The following KLHL6 variants were observed in gnomAD, a reference collection of about 807,000 sequenced individuals.
The protein encoded by KLHL6 is kelch-like protein 6.
Under a neutral mutation model 58.6 loss-of-function variants are expected in KLHL6, and 41 were observed. The ratio of observed to expected loss-of-function variants is 0.70; its 90% CI spans 0.55 to 0.91. The LOEUF is 0.91. Among genes scored for constraint, KLHL6 ranks in the 40% least tolerant of loss-of-function variants. The probability of loss-of-function intolerance (pLI) is 0.00; values close to 1 mark genes in which losing one functional copy is unlikely to be tolerated. For missense variants in KLHL6, 714 were observed against 805.6 expected, an observed-to-expected ratio of 0.89 and a Z score of 1.38; for synonymous variants, 338 against 322.7, an observed-to-expected ratio of 1.05 and a Z score of -0.51.
At chr3:183,510,405 A>G (rs1290057820) in intron 2 of KLHL6, among the ~76,000 whole-genome samples, 1 of 152,022 alleles carries the variant, frequency 6.6e-6, no homozygotes, top group South Asian at 2.1e-4. Flanking sequence ...GAGTGGGGCT[A>G]TCGAGCCTGA....
At chr3:183,502,205 G>A (rs1239096852) in intron 3 of KLHL6, among the ~76,000 whole-genome samples, 2 of 152,084 alleles carry the variant, frequency 1.3e-5, no homozygotes, top group Non-Finnish European at 2.9e-5. Context: ...GGGAGGCTGA[G>A]GCAGGAGAAT....
At chr3:183,512,710 C>T (rs1718222396) in intron 2 of KLHL6, among the ~76,000 whole-genome samples, 1 of 152,120 alleles carries the variant, frequency 6.6e-6, no homozygotes, top group Non-Finnish European at 1.5e-5. Context: ...AGGCTGGTCT[C>T]GAACTCCTGA....
chr3:183,528,602 C>T (rs1234691492), intron 1 of KLHL6, among the ~76,000 whole-genome samples: 2 of 152,188 alleles, frequency 1.3e-5, no homozygotes, highest in Admixed American at 6.5e-5. Flanking sequence ...GGCTGGACTT[C>T]CAGATATTTA....
At chr3:183,533,673 C>G (rs192917438) in intron 1 of KLHL6, among the ~76,000 whole-genome samples, 2 of 152,030 alleles carry the variant, frequency 1.3e-5, no homozygotes, top group African/African-American at 4.8e-5. Context: ...AGAGAGAGAA[C>G]GAGAGAGAGA....
rs1298497486 is a variant in KLHL6, at chr3:183,491,877, A to G, written c.*50T>C. 1.4e-6 allele frequency: 2 copies of G among 1,418,442 alleles called. No homozygotes were observed. Among genetic ancestry groups the G allele is most frequent in the Non-Finnish European group, 1.9e-6 (2 of 1,074,178 alleles). 87.9% of individuals were successfully genotyped at this position (1,418,442 alleles called of 1,614,324 possible). ...TGGGACTGGAGGAGGGTGAGAGGTG[A>G]GGCGGGTACGCTGAGGGTCGGGGGG... On this transcript the variant is annotated 3_prime_UTR_variant, in exon 7 of 7. Transcript: ENST00000341319.
chr3:183,538,861 G>A (rs1712449929), intron 1 of KLHL6, among the ~76,000 whole-genome samples: 1 of 152,152 alleles, frequency 6.6e-6, no homozygotes, highest in African/African-American at 2.4e-5. Context: ...TATGGATCCT[G>A]TCTCAATACT....
chr3:183,497,690 A>G (rs1474535758), intron 4 of KLHL6, among the ~76,000 whole-genome samples: 1 of 152,174 alleles, frequency 6.6e-6, no homozygotes, highest in African/African-American at 2.4e-5. Flanking sequence ...GGCCATGTGT[A>G]GGAAGAGGCA....
intron 1 of KLHL6, among the ~76,000 whole-genome samples, chr3:183,533,889 A>G (rs556482079): frequency 1.3e-5 from 2 of 151,266 alleles, no homozygotes; most frequent in Non-Finnish European, 2.9e-5. Context: ...TCACAAGAAT[A>G]TGGTAATAAG....
chr3:183,549,126 G>T (rs4630964), intron 1 of KLHL6, among the ~76,000 whole-genome samples: 2,926 of 148,646 alleles, frequency 0.02, 212 homozygotes, highest in African/African-American at 0.073. Context: ...ACAAACCCGC[G>T]CATTCTGCAC....
intron 2 of KLHL6, among the ~76,000 whole-genome samples, chr3:183,511,232 A>G (rs1239595802): frequency 6.6e-6 from 1 of 152,254 alleles, no homozygotes; most frequent in Non-Finnish European, 1.5e-5. Flanking sequence ...GGGAGGTACT[A>G]TGCCTGGACG....
At chr3:183,546,199 T>C (rs1250878477) in intron 1 of KLHL6, among the ~76,000 whole-genome samples, 1 of 152,212 alleles carries the variant, frequency 6.6e-6, no homozygotes, top group African/African-American at 2.4e-5. Context: ...ATTACCTTCT[T>C]GCATATTTGG....
At chr3:183,544,750 AC>A (rs1375746592) in intron 1 of KLHL6, 4 of 12,780 alleles carry the variant, frequency 3.1e-4, no homozygotes, top group Non-Finnish European at 6.5e-4. Context: ...TGTCTCTCAA[AC>A]ACACACACAC....
At chr3:183,535,249 G>T (rs1006605524) in intron 1 of KLHL6, among the ~76,000 whole-genome samples, 3 of 152,110 alleles carry the variant, frequency 2.0e-5, no homozygotes, top group Admixed American at 6.6e-5. Flanking sequence ...AGCCTTATGC[G>T]TATTTTATAC....
intron 1 of KLHL6, among the ~76,000 whole-genome samples, chr3:183,546,384 G>T (rs1007772962): frequency 6.6e-6 from 1 of 152,210 alleles, no homozygotes; most frequent in Non-Finnish European, 1.5e-5. Context: ...AGCCTGCTTG[G>T]GTGGAGGCAG....
intron 3 of KLHL6, among the ~76,000 whole-genome samples, chr3:183,501,069 G>A (rs1018147840): frequency 6.6e-6 from 1 of 152,200 alleles, no homozygotes; most frequent in Non-Finnish European, 1.5e-5. Flanking sequence ...GCTGGACCAC[G>A]GCCGTAAAGT....
In KLHL6 at chr3:183,492,672, T is replaced by C. The variant is rs1338748057; in HGVS notation, c.1386A>G (p.Ala462=). The C allele has an allele frequency of 6.2e-7, 1 of 1,613,748 alleles. No individual in the cohort carries two copies. Among genetic ancestry groups the C allele is most frequent in the Non-Finnish European group, 8.5e-7 (1 of 1,180,034 alleles). The change falls in exon 6 of 7, where the codon GCA becomes GCG. Residue 462 remains alanine (A), a synonymous_variant. Coordinates refer to ENST00000341319, the MANE Select transcript of KLHL6 (RefSeq NM_130446.4). This position sits in a 1 kb window ranked among gnomAD's most constrained non-coding sequence, Gnocchi z 5.9. ...ACAGCTTCTTCTTATGGCTGGTGGC[T>C]GCAAAGGAACTGACATGGACAAGGA... ...APLLVHVSSF[A]ATSHKKKLYV...
At chr3:183,539,172 A>C (rs1712467800) in intron 1 of KLHL6, among the ~76,000 whole-genome samples, 1 of 152,204 alleles carries the variant, frequency 6.6e-6, no homozygotes, top group Non-Finnish European at 1.5e-5. Flanking sequence ...ATGAAGATCA[A>C]GGTCATGGAA....
In KLHL6 at chr3:183,492,442, A is replaced by G; in HGVS notation, c.1564+52T>C. On this transcript the variant is annotated intron_variant, in intron 6 of 6. Coordinates refer to ENST00000341319, the MANE Select transcript of KLHL6 (RefSeq NM_130446.4). The surrounding 1 kb of genome is among the most constrained non-coding windows in gnomAD (Gnocchi z 5.9). ...GACACACCGTTTACGTGCTGCAGCC[A>G]GGCGCTCATCAGGTTCTAAGCCATT... 2.5e-6 allele frequency: 4 copies of G among 1,585,826 alleles called. No homozygotes were observed. In the African/African-American group the frequency reaches 4.0e-5, roughly 16 times the overall value.
chr3:183,539,897 A>T (rs952631057), intron 1 of KLHL6, among the ~76,000 whole-genome samples: 9 of 152,162 alleles, frequency 5.9e-5, no homozygotes, highest in African/African-American at 1.7e-4. Context: ...TCTGCCATCC[A>T]AGTTTATGAC....
Sources: allele counts gnomAD v4.1 joint callset (sites outside exome capture counted in the v4.1 genomes callset), GRCh38; gene constraint gnomAD v4.1.1; non-coding constraint Gnocchi (gnomAD v3.1); transcripts MANE v1.5; gene names NCBI Gene and HGNC (gene_info 2026-07-23, HGNC 2026-07-21).